PHF20: variants seen among roughly 807,000 people sequenced by gnomAD.
PHF20 encodes the protein glioma-expressed antigen 2.
A neutral mutation model predicts 113.5 loss-of-function variants in PHF20; 23 were observed. The observed-to-expected ratio is 0.20, with a 90% CI of 0.15 to 0.29. PHF20 has a LOEUF of 0.29. Ranked by LOEUF, PHF20 falls within the 10% of genes least tolerant of loss-of-function variation. The pLI is 1.00. For synonymous variants in PHF20, 434 were observed against 457.3 expected, an observed-to-expected ratio of 0.95 and a Z score of 0.65; for missense variants, 943 against 1,219.6, an observed-to-expected ratio of 0.77 and a Z score of 3.38.
intron 9 of PHF20, among the ~76,000 whole-genome samples, chr20:35,897,530 C>T (rs2055008358): frequency 6.8e-6 from 1 of 146,756 alleles, no homozygotes; most frequent in Admixed American, 6.8e-5. Flanking sequence ...CTGTAGAATG[C>T]TAGAACTTAT....
At chr20:35,790,864 G>C (rs180967705) in intron 1 of PHF20, among the ~76,000 whole-genome samples, 23 of 152,096 alleles carry the variant, frequency 1.5e-4, no homozygotes, top group African/African-American at 5.3e-4. Context: ...TTGTTTGTTT[G>C]TTTTTGTTTT....
intron 14 of PHF20, 109 bp downstream of exon 14, chr20:35,927,988 T>C (rs2055675838): frequency 1.3e-6 from 1 of 782,790 alleles, no homozygotes; most frequent in South Asian, 1.5e-5. Flanking sequence ...TTCTTCAGCA[T>C]CGGCTAGACT....
intron 1 of PHF20, chr20:35,782,262 GTTTT>G (rs11480471): frequency 7.0e-6 from 1 of 143,488 alleles, no homozygotes; most frequent in African/African-American, 2.6e-5. Flanking sequence ...TTCTTGTTTT[GTTTT>G]TTTTTTCTTT....
chr20:35,906,279 G>A (rs1187729138), intron 10 of PHF20, among the ~76,000 whole-genome samples: 1 of 152,180 alleles, frequency 6.6e-6, no homozygotes, highest in African/African-American at 2.4e-5. Context: ...AAAACAAAAA[G>A]AGCAGTGTGA....
At chr20:35,914,496 G>T (rs192347871) in intron 12 of PHF20, among the ~76,000 whole-genome samples, 123 of 152,220 alleles carry the variant, frequency 8.1e-4, no homozygotes, top group African/African-American at 2.9e-3. Flanking sequence ...AATAAATAAA[G>T]AAATGGACAA....
Position 35,947,830 on chromosome 20 carries a change from A to G in PHF20, c.*203A>G, listed in dbSNP as rs1412860433. The G allele has an allele frequency of 3.2e-5, 18 of 557,864 alleles. No homozygotes were observed. Among genetic ancestry groups the G allele is most frequent in the Non-Finnish European group, 4.8e-5 (15 of 311,900 alleles). The allele number at this position is 557,864 out of a possible 1,614,324, so 34.6% of individuals were successfully genotyped here. On this transcript the variant is annotated 3_prime_UTR_variant, in exon 18 of 18. Transcript: ENST00000374012. ...ACTCTGATCTCGAAGCCTGCCATAA[A>G]GGTAGCAAATAGACTCTTGGGATTC...
chr20:35,846,898 T>C (rs953141101), intron 3 of PHF20, among the ~76,000 whole-genome samples: 1 of 152,190 alleles, frequency 6.6e-6, no homozygotes, highest in Non-Finnish European at 1.5e-5. Context: ...TGGTACTGGC[T>C]TCTGGCATCA....
intron 4 of PHF20, among the ~76,000 whole-genome samples, chr20:35,853,666 T>G (rs925993753): frequency 6.6e-6 from 1 of 151,952 alleles, no homozygotes; most frequent in Non-Finnish European, 1.5e-5. Flanking sequence ...GCAGAGACAG[T>G]AGGATTGCTT....
intron 10 of PHF20, among the ~76,000 whole-genome samples, chr20:35,910,678 G>A (rs1053811960): frequency 6.6e-6 from 1 of 151,480 alleles, no homozygotes; most frequent in Non-Finnish European, 1.5e-5. Context: ...GCCCAGGCTG[G>A]AGTGAAGTGG....
In PHF20 at chr20:35,842,571, A is replaced by C; in HGVS notation, c.84-2A>C. 6.2e-7 allele frequency: 1 copy of C among 1,602,562 alleles called. No individual in the cohort carries two copies. On this transcript the variant is annotated splice_acceptor_variant, in intron 2 of 17. Transcript: ENST00000374012. LOFTEE classifies it high-confidence loss of function. ...ATGCCAATTTTTTTTTTTCTGACTC[A>C]GGTATCCAGCTCACATAGAAGACAT...
chr20:35,815,632 A>G (rs936443537), intron 2 of PHF20, among the ~76,000 whole-genome samples: 1 of 151,442 alleles, frequency 6.6e-6, no homozygotes, highest in Non-Finnish European at 1.5e-5. Flanking sequence ...TGCCTGGCTA[A>G]TTTTTTGTAT....
chr20:35,808,717 C>T (rs1224485517), intron 2 of PHF20, among the ~76,000 whole-genome samples: 11 of 151,862 alleles, frequency 7.2e-5, no homozygotes, highest in South Asian at 4.2e-4. Context: ...GGACTACAGG[C>T]GCCCGCCACC....
intron 14 of PHF20, among the ~76,000 whole-genome samples, chr20:35,930,901 T>C (rs1306672853): frequency 6.6e-6 from 1 of 152,052 alleles, no homozygotes; most frequent in Non-Finnish European, 1.5e-5. Context: ...GTTAGAGAGT[T>C]GGGGCTTTGG....
chr20:35,908,782 C>T (rs772965545), intron 10 of PHF20, among the ~76,000 whole-genome samples: 7 of 152,220 alleles, frequency 4.6e-5, no homozygotes, highest in Non-Finnish European at 8.8e-5. Context: ...AATTTCAGTT[C>T]CATTGGAGCC....
At chr20:35,913,195 A>AC (rs1292746017) in intron 10 of PHF20, 54 bp from the exon 11 acceptor site, 33 of 1,304,410 alleles carry the variant, frequency 2.5e-5, no homozygotes, top group Non-Finnish European at 3.4e-5. Context: ...AAGAATAAGC[A>AC]CCCCAGCATT....
chr20:35,774,360 C>A (rs547312160), intron 1 of PHF20: 1 of 152,322 alleles, frequency 6.6e-6, no homozygotes, highest in Admixed American at 6.5e-5. Flanking sequence ...CGTGAGCCAC[C>A]AAGCCCGGCC....
chr20:35,836,225 C>T (rs1445851590), intron 2 of PHF20, among the ~76,000 whole-genome samples: 1 of 151,506 alleles, frequency 6.6e-6, no homozygotes, highest in Admixed American at 6.6e-5. Flanking sequence ...CTGTCTTGTT[C>T]AGGCTGGTCT....
chr20:35,825,909 C>T (rs946870214), intron 2 of PHF20, among the ~76,000 whole-genome samples: 1 of 152,092 alleles, frequency 6.6e-6, no homozygotes, highest in Non-Finnish European at 1.5e-5. Context: ...TGAACTTTTA[C>T]ATATGTATAC....
intron 15 of PHF20, among the ~76,000 whole-genome samples, chr20:35,938,062 CG>C (rs1841765918): frequency 6.6e-6 from 1 of 151,912 alleles, no homozygotes; most frequent in Non-Finnish European, 1.5e-5. Flanking sequence ...TTAGTAGAGG[CG>C]GGGTTTCACC....
Sources: allele counts gnomAD v4.1 joint callset (sites outside exome capture counted in the v4.1 genomes callset), GRCh38; gene constraint gnomAD v4.1.1; transcripts MANE v1.5; gene names NCBI Gene and HGNC (gene_info 2026-07-23, HGNC 2026-07-21).